Variants in ZFAND2A observed in about 807,000 individuals in gnomAD.
The protein encoded by ZFAND2A is zinc finger AN1-type containing 2A.
Under a neutral mutation model 11.6 loss-of-function variants are expected in ZFAND2A, and 20 were observed. The observed-to-expected ratio is 1.72, with a 90% CI of 1.21 to 2.50. ZFAND2A has a LOEUF of 2.50. ZFAND2A is among the 30% of genes most tolerant of loss of function. The pLI, the probability that ZFAND2A is intolerant of heterozygous loss-of-function variation, is 0.00. For synonymous variants in ZFAND2A, 93 were observed against 60.6 expected, an observed-to-expected ratio of 1.54 and a Z score of -2.48; for missense variants, 234 against 182.9, an observed-to-expected ratio of 1.28 and a Z score of -1.61.
At position 1,152,951 on chromosome 7, in the gene ZFAND2A, A is replaced by G. The variant is rs890449032; in HGVS notation, c.*118T>C. The G allele has an allele frequency of 1.4e-6, 2 of 1,396,770 alleles. No individual in the cohort carries two copies. The highest frequency in any genetic ancestry group is 2.9e-5 in the African/African-American group (2 of 69,956). The allele number at this position is 1,396,770 out of a possible 1,614,324, so 86.5% of individuals were successfully genotyped here. On this transcript the variant is annotated 3_prime_UTR_variant, in exon 5 of 5. Transcript: ENST00000316495. ...TTATTATAGTCCCATCTCCCTCAAC[A>G]AACAAGATCAGCAGCCAGTGTGGGA...
intron 3 of ZFAND2A, chr7:1,157,421 A>G: frequency 2.6e-6 from 1 of 381,702 alleles, no homozygotes; most frequent in Admixed American, 4.7e-5. Flanking sequence ...AGTCCCTGAA[A>G]ATAAGATCTC....
chr7:1,152,073 G>C (rs950972394), downstream of ZFAND2A: 2 of 732,444 alleles, frequency 2.7e-6, no homozygotes, highest in Non-Finnish European at 4.1e-6. Context: ...GGTTGTGCTG[G>C]AGCGAGCTGC....
chr7:1,152,442 A>G, downstream of ZFAND2A: 4 of 1,390,582 alleles, frequency 2.9e-6, no homozygotes, highest in Non-Finnish European at 3.8e-6. Flanking sequence ...GGCCTGGCCC[A>G]GGGATGGACG....
At chr7:1,156,545 C>A (rs1036917265) in intron 3 of ZFAND2A, among the ~76,000 whole-genome samples, 1 of 110,456 alleles carries the variant, frequency 9.1e-6, no homozygotes. Context: ...GACCGCCCAG[C>A]AGCTGAAGGC....
Sources: gnomAD v4.1 joint callset for allele counts (sites outside exome capture counted in the v4.1 genomes callset) on GRCh38, gnomAD v4.1.1 for gene constraint, MANE v1.5 for transcripts, NCBI Gene and HGNC (gene_info 2026-07-23, HGNC 2026-07-21) for gene names.